The following CNTLN variants were observed in gnomAD, a reference collection of about 807,000 sequenced individuals.
CNTLN encodes centlein.
In CNTLN, 212 loss-of-function variants were observed where a neutral mutation model predicts 180.0. The ratio of observed to expected loss-of-function variants is 1.18; its 90% CI spans 1.05 to 1.32. The LOEUF (loss-of-function observed/expected upper bound fraction) is 1.32. Among genes scored for constraint, CNTLN ranks in the 40% most tolerant of loss-of-function variants. The probability of loss-of-function intolerance (pLI) is 0.00; values close to 1 mark genes in which losing one functional copy is unlikely to be tolerated. For missense variants in CNTLN, 2,095 were observed against 1,610.9 expected (o/e 1.30, Z -5.14); for synonymous variants, 722 against 563.1 (o/e 1.28, Z -3.99).
intron 19 of CNTLN, among the ~76,000 whole-genome samples, chr9:17,462,405 G>T (rs1215118886): frequency 1.3e-5 from 2 of 151,670 alleles, no homozygotes; most frequent in Non-Finnish European, 3.0e-5. Context: ...AAGCTTTAAG[G>T]CCTGGGAACT....
intron 13 of CNTLN, among the ~76,000 whole-genome samples, chr9:17,376,047 A>G (rs945012153): frequency 2.6e-5 from 4 of 152,144 alleles, no homozygotes; most frequent in Non-Finnish European, 5.9e-5. Flanking sequence ...TGTTGCTCCA[A>G]TGCTCGCATT....
At chr9:17,414,387 A>T (rs1828071675) in intron 16 of CNTLN, among the ~76,000 whole-genome samples, 1 of 152,152 alleles carries the variant, frequency 6.6e-6, no homozygotes, top group African/African-American at 2.4e-5. Flanking sequence ...TTGTAATTTA[A>T]TTTTAGCTAC....
At position 17,135,375 on chromosome 9, in the gene CNTLN, C is replaced by G; in HGVS notation, c.310C>G (p.Leu104Val). Reference sequence around the variant, plus strand: ...GGAGGCGATGGTGACCCGGACGCAGCTGCTGGAGGAAGAGCTGAGCAGCCT... The same window carrying G: ...GGAGGCGATGGTGACCCGGACGCAGGTGCTGGAGGAAGAGCTGAGCAGCCT... Reference protein sequence around the residue: ...VEEAMVTRTQLLEEELSSLKE... With the variant: ...VEEAMVTRTQVLEEELSSLKE... Residue 104 changes from leucine (L) to valine (V), a missense_variant, in exon 1 of 26, where the codon CTG (leucine) becomes GTG (valine). Coordinates refer to ENST00000380647, the MANE Select transcript of CNTLN (RefSeq NM_017738.4). 1 of 1,599,656 alleles carries G rather than the reference C, an allele frequency of 6.3e-7. No individual in the cohort carries two copies. The highest frequency in any genetic ancestry group is 8.5e-7 in the Non-Finnish European group (1 of 1,174,118).
chr9:17,232,720 T>C (rs559920515), intron 3 of CNTLN, among the ~76,000 whole-genome samples: 2 of 152,112 alleles, frequency 1.3e-5, no homozygotes, highest in African/African-American at 2.4e-5. Context: ...TATGAGTAGA[T>C]AGATTATTAG....
downstream of CNTLN, among the ~76,000 whole-genome samples, chr9:17,508,021 A>G (rs1452484821): frequency 6.6e-6 from 1 of 152,156 alleles, no homozygotes; most frequent in Non-Finnish European, 1.5e-5. Context: ...TGCTGACCCT[A>G]GCGTGAAGGC....
intron 2 of CNTLN, among the ~76,000 whole-genome samples, chr9:17,219,921 G>A (rs1252442552): frequency 6.6e-6 from 1 of 151,656 alleles, no homozygotes; most frequent in Non-Finnish European, 1.5e-5. Flanking sequence ...TCATTAAGGT[G>A]CTACTCCCAT....
the CNTLN span, among the ~76,000 whole-genome samples, chr9:17,517,790 T>C: frequency 6.6e-6 from 1 of 152,138 alleles, no homozygotes; most frequent in South Asian, 2.1e-4. Context: ...CTTTAAGTCA[T>C]TCAGCTTGTG....
At chr9:17,340,751 G>T in intron 10 of CNTLN, 76 bp from the exon 11 acceptor site, 2 of 1,235,566 alleles carry the variant, frequency 1.6e-6, no homozygotes, top group South Asian at 1.9e-5. Flanking sequence ...ATATTTAGAT[G>T]GGTAACCTTT....
intron 6 of CNTLN, among the ~76,000 whole-genome samples, chr9:17,284,099 G>A (rs972515492): frequency 2.6e-5 from 4 of 152,062 alleles, no homozygotes; most frequent in Non-Finnish European, 4.4e-5. Context: ...TTGGCTCACT[G>A]CAACCTCCAC....
chr9:17,411,740 G>A (rs1827858300), intron 16 of CNTLN, among the ~76,000 whole-genome samples: 2 of 152,108 alleles, frequency 1.3e-5, no homozygotes. Flanking sequence ...AATGCCTGAT[G>A]ATCTGAGGTA....
At chr9:17,140,397 G>A (rs1309793049) in intron 1 of CNTLN, among the ~76,000 whole-genome samples, 2 of 152,102 alleles carry the variant, frequency 1.3e-5, no homozygotes, top group Non-Finnish European at 2.9e-5. Flanking sequence ...TAGATTTTAA[G>A]TGCTCTCATC....
chr9:17,488,492 T>C (rs1213821811), intron 25 of CNTLN, among the ~76,000 whole-genome samples: 1 of 152,162 alleles, frequency 6.6e-6, no homozygotes, highest in Non-Finnish European at 1.5e-5. Flanking sequence ...TTTGTAAATA[T>C]GGCCTGTATT....
At chr9:17,281,213 A>G (rs1828640271) in intron 6 of CNTLN, among the ~76,000 whole-genome samples, 1 of 151,882 alleles carries the variant, frequency 6.6e-6, no homozygotes. Context: ...TCACAATTGC[A>G]TTTCGTTTTT....
intron 13 of CNTLN, among the ~76,000 whole-genome samples, chr9:17,383,100 C>T (rs772443825): frequency 4.6e-5 from 7 of 151,860 alleles, no homozygotes; most frequent in Non-Finnish European, 2.9e-5. Context: ...GTACCCTCAA[C>T]ATATATAAAT....
intron 15 of CNTLN, among the ~76,000 whole-genome samples, chr9:17,406,240 T>C (rs1218312627): frequency 6.6e-6 from 1 of 151,848 alleles, no homozygotes; most frequent in Non-Finnish European, 1.5e-5. Context: ...TAGAAAAATA[T>C]CCAGAAGTTG....
chr9:17,408,968 G>A (rs1334366519), intron 15 of CNTLN, among the ~76,000 whole-genome samples: 1 of 152,134 alleles, frequency 6.6e-6, no homozygotes, highest in African/African-American at 2.4e-5. Flanking sequence ...AACTTTTCTG[G>A]CCTTGTTGGG....
At chr9:17,267,129 A>G (rs1198492790) in intron 5 of CNTLN, among the ~76,000 whole-genome samples, 1 of 151,996 alleles carries the variant, frequency 6.6e-6, no homozygotes, top group African/African-American at 2.4e-5. Flanking sequence ...GTTTCTTCCT[A>G]TCCTTGATGG....
At position 17,462,973 on chromosome 9, in the gene CNTLN, C is replaced by T. The variant is rs1472771009; in HGVS notation, c.3364C>T (p.Leu1122Phe). 6.3e-7 allele frequency: 1 copy of T among 1,584,542 alleles called. No individual in the cohort carries two copies. The highest frequency in any genetic ancestry group is 8.6e-7 in the Non-Finnish European group (1 of 1,168,486). The change falls in exon 20 of 26, where the codon CTC becomes TTC. Residue 1122 changes from leucine to phenylalanine, a missense_variant. Transcript: ENST00000380647. ...SSNVKTLKFE[L>F]LAKEEHIKEM... is the part of the protein sequence containing the mutation. ...AAATGTGAAGACTTTGAAATTTGAA[C>T]TCCTAGCAAAAGAAGAACACATAAA...
rs563941611 is a variant in CNTLN, at chr9:17,325,869, A to G, written c.1342-4763A>G. On this transcript the variant is annotated intron_variant, in intron 8 of 25. Transcript: ENST00000380647. ...TTATAATTTGCTAATAAAACAATTTAAGTTACAATTTTTGTAATTATTATA... is the reference window on the plus strand; with the variant it reads ...TTATAATTTGCTAATAAAACAATTTGAGTTACAATTTTTGTAATTATTATA... Among the ~76,000 whole-genome samples the G allele has an allele frequency of 5.5e-4, 83 of 152,192 alleles. 2 individuals carry two copies. The highest frequency in any genetic ancestry group is 1.9e-3 in the African/African-American group (80 of 41,566).
Sources: gnomAD v4.1 joint callset for allele counts (sites outside exome capture counted in the v4.1 genomes callset) on GRCh38, gnomAD v4.1.1 for gene constraint, MANE v1.5 for transcripts, NCBI Gene and HGNC (gene_info 2026-07-23, HGNC 2026-07-21) for gene names.